Variants in ZNF695 observed in about 807,000 individuals in gnomAD.
ZNF695 encodes the protein zinc finger protein 695, also known as zinc finger protein SBZF3.
A neutral mutation model predicts 11.2 loss-of-function variants in ZNF695; 11 were observed. The ratio of observed to expected loss-of-function variants is 0.98; its 90% CI spans 0.62 to 1.62. The LOEUF (loss-of-function observed/expected upper bound fraction) is 1.62. ZNF695 is among the 40% of genes most tolerant of loss of function. The pLI is 0.00. For synonymous variants in ZNF695, 190 were observed against 201.4 expected (o/e 0.94, Z 0.48); for missense variants, 559 against 590.5 (o/e 0.95, Z 0.55).
chr1:246,945,667 A>G (rs376070027), downstream of ZNF695: 1 of 892,712 alleles, frequency 1.1e-6, no homozygotes, highest in Admixed American at 2.6e-5. Flanking sequence ...TTCATCAGAA[A>G]TAGATTCTGT....
At chr1:246,990,201 G>C (rs1215593180) in intron 3 of ZNF695, among the ~76,000 whole-genome samples, 5 of 150,906 alleles carry the variant, frequency 3.3e-5, no homozygotes, top group Non-Finnish European at 7.4e-5. Flanking sequence ...AAAAGAGAAA[G>C]AGAGAGAGAA....
At chr1:246,982,795 T>A (rs918407558), downstream of ZNF695, among the ~76,000 whole-genome samples, 5 of 151,492 alleles carry the variant, frequency 3.3e-5, no homozygotes, top group African/African-American at 1.2e-4. Context: ...CTTTTAAACA[T>A]CTCTCAAATA....
chr1:246,986,688 T>TCTTATGA lies in ZNF695; in HGVS notation c.*278_*279insTCATAAG. 8.8e-7 allele frequency: 1 copy of TCTTATGA among 1,131,220 alleles called. No homozygotes were observed. Among genetic ancestry groups the TCTTATGA allele is most frequent in the Non-Finnish European group, 1.1e-6 (1 of 923,592 alleles). 70.1% of individuals were successfully genotyped at this position (1,131,220 alleles called of 1,614,324 possible). ...TAGGGTTTCTCTCCAATACAAAGTC[T>TCTTATGA]TTGAAATTGAATACAGTTTGAGCAA... is the stretch of plus-strand genomic sequence containing the variant. On this transcript the variant is annotated 3_prime_UTR_variant, in exon 4 of 4. Coordinates refer to ENST00000339986, the MANE Select transcript of ZNF695 (RefSeq NM_020394.5).
In ZNF695 at chr1:247,007,986, G is replaced by C; in HGVS notation, c.-78C>G. The C allele has an allele frequency of 7.1e-7, 1 of 1,409,364 alleles. No homozygotes were observed. Among genetic ancestry groups the C allele is most frequent in the Non-Finnish European group, 9.4e-7 (1 of 1,065,198 alleles). 87.3% of individuals were successfully genotyped at this position (1,409,364 alleles called of 1,614,324 possible). A position where few individuals can be genotyped will look rare whatever the true frequency, so the allele number is the denominator to read the frequency against. On this transcript the variant is annotated 5_prime_UTR_variant, in exon 1 of 4. Coordinates refer to ENST00000339986, the MANE Select transcript of ZNF695 (RefSeq NM_020394.5). Reference sequence around the variant, plus strand: ...CAGGCCACAGGGCGATGGAGCCTGCGGCAGTCACCCGGGACTCTCCGAGAG... The same window carrying C: ...CAGGCCACAGGGCGATGGAGCCTGCCGCAGTCACCCGGGACTCTCCGAGAG...
At chr1:246,985,193 T>C (rs541284068), downstream of ZNF695, 11 of 604,904 alleles carry the variant, frequency 1.8e-5, no homozygotes, top group South Asian at 4.4e-4. Context: ...AGTATATTTA[T>C]GTATTTATCT....
chr1:246,995,890 G>A, intron 3 of ZNF695: 1 of 303,144 alleles, frequency 3.3e-6, no homozygotes, highest in South Asian at 2.6e-5. Context: ...AGACAGTTAG[G>A]TCAATGAAAC....
At chr1:246,958,893 G>C (rs931961063) in intron 5 of ZNF695, among the ~76,000 whole-genome samples, 1 of 152,070 alleles carries the variant, frequency 6.6e-6, no homozygotes, top group Admixed American at 6.6e-5. Context: ...TGCCACTCAC[G>C]GGGAAGAAGA....
chr1:246,983,889 C>A (rs1290322312), downstream of ZNF695, among the ~76,000 whole-genome samples: 2 of 151,830 alleles, frequency 1.3e-5, no homozygotes, highest in African/African-American at 2.4e-5. Context: ...CCAGGTGTGG[C>A]TCATACCTAT....
At position 246,987,681 on chromosome 1, in the gene ZNF695, G is replaced by A. The variant is rs1374789793; in HGVS notation, c.834C>T (p.Asn278=). 6.3e-7 allele frequency: 1 copy of A among 1,597,088 alleles called. No individual in the cohort carries two copies. The highest frequency in any genetic ancestry group is 1.4e-5 in the African/African-American group (1 of 73,946). ...YRCEECGKAF[N]LCSVLTKHKK... ...TATGTTTAGTAAGAACTGAGCACAG[G>A]TTAAAAGCTTTGCCACATTCTTCAC... The change falls in exon 4 of 4, where the codon AAC becomes AAT. Residue 278 remains asparagine (N), a synonymous_variant. Transcript: ENST00000339986.
At chr1:246,958,485 C>G (rs1020513498) in intron 5 of ZNF695, among the ~76,000 whole-genome samples, 1 of 152,108 alleles carries the variant, frequency 6.6e-6, no homozygotes, top group African/African-American at 2.4e-5. Context: ...GGGATCCTTA[C>G]CCTTAGAACT....
intron 5 of ZNF695, among the ~76,000 whole-genome samples, chr1:246,950,637 C>A (rs1370221995): frequency 1.8e-5 from 2 of 113,830 alleles, no homozygotes; most frequent in African/African-American, 3.5e-5. Context: ...GGCAACAGAG[C>A]GAAACTCCGT....
Position 246,986,752 on chromosome 1 carries a change from A to G in ZNF695, c.*215T>C. Reference sequence around the variant, plus strand: ...CTCCAGTATAAATTCTTCTGTGTACAGTAAGAGCTGTGATATAAGTGGAGG... The same window carrying G: ...CTCCAGTATAAATTCTTCTGTGTACGGTAAGAGCTGTGATATAAGTGGAGG... On this transcript the variant is annotated 3_prime_UTR_variant, in exon 4 of 4. Transcript: ENST00000339986. 7.8e-7 allele frequency: 1 copy of G among 1,282,656 alleles called. No individual in the cohort carries two copies. The highest frequency in any genetic ancestry group is 9.8e-7 in the Non-Finnish European group (1 of 1,018,036). 79.5% of individuals were successfully genotyped at this position (1,282,656 alleles called of 1,614,324 possible).
intron 1 of ZNF695, among the ~76,000 whole-genome samples, chr1:247,007,490 G>T (rs1341242279): frequency 3.0e-5 from 2 of 67,440 alleles, no homozygotes; most frequent in South Asian, 1.1e-3. Context: ...GCGAGACTCC[G>T]TCTCAAAAAA....
Position 246,995,374 on chromosome 1 carries a change from A to G in ZNF695, c.259+3974T>C, listed in dbSNP as rs541915529. On this transcript the variant is annotated intron_variant, in intron 3 of 3. Coordinates refer to ENST00000339986, the MANE Select transcript of ZNF695 (RefSeq NM_020394.5). ...ATTACGAAGATGTTCATATCACCCAAGTGACCTACAGATTCAGTGCAATCC... is the reference window on the plus strand; with the variant it reads ...ATTACGAAGATGTTCATATCACCCAGGTGACCTACAGATTCAGTGCAATCC... Among the ~76,000 whole-genome samples, 12 of 152,326 alleles carry G rather than the reference A, an allele frequency of 7.9e-5. No individual in the cohort carries two copies. The East Asian group carries it at 1.9e-3, about 24-fold the overall frequency.
chr1:246,979,762 C>T (rs1668657139), intron 4 of ZNF695: 1 of 152,602 alleles, frequency 6.6e-6, no homozygotes, highest in Non-Finnish European at 1.5e-5. Context: ...GAATTATCCC[C>T]ATTACTAAAT....
At chr1:246,957,752 G>A (rs529540398) in intron 5 of ZNF695, among the ~76,000 whole-genome samples, 6 of 151,664 alleles carry the variant, frequency 4.0e-5, no homozygotes, top group Admixed American at 6.6e-5. Flanking sequence ...TCCTACATTA[G>A]CCTCCCCAGT....
At chr1:246,965,335 T>C (rs1288106362) in intron 5 of ZNF695, among the ~76,000 whole-genome samples, 2 of 139,834 alleles carry the variant, frequency 1.4e-5, no homozygotes, top group Non-Finnish European at 3.0e-5. Context: ...CCAGCCTGGG[T>C]GACAGAGAGA....
intron 5 of ZNF695, among the ~76,000 whole-genome samples, chr1:246,949,540 G>A (rs563831672): frequency 1.0e-4 from 15 of 150,616 alleles, no homozygotes; most frequent in Admixed American, 3.3e-4. Flanking sequence ...GCAGTGAGCC[G>A]AGATCATGCT....
chr1:246,981,120 T>C (rs1223194696), downstream of ZNF695, among the ~76,000 whole-genome samples: 1 of 152,216 alleles, frequency 6.6e-6, no homozygotes, highest in Non-Finnish European at 1.5e-5. Flanking sequence ...GACCAACACA[T>C]ATATTTTTAA....
Sources: gnomAD v4.1 joint callset for allele counts (sites outside exome capture counted in the v4.1 genomes callset) on GRCh38, gnomAD v4.1.1 for gene constraint, MANE v1.5 for transcripts, NCBI Gene and HGNC (gene_info 2026-07-23, HGNC 2026-07-21) for gene names.